Variants in GANC observed in about 807,000 individuals in gnomAD.
GANC encodes glucosidase alpha, neutral C, also known as neutral alpha-glucosidase C.
A neutral mutation model predicts 124.2 loss-of-function variants in GANC; 117 were observed. That is an observed-to-expected ratio of 0.94 (90% CI 0.81 to 1.10). GANC has a LOEUF of 1.10. GANC is among the 50% of genes least tolerant of loss of function. GANC has a pLI of 0.00. For missense variants in GANC, 1,140 were observed against 1,095.0 expected, an observed-to-expected ratio of 1.04 and a Z score of -0.58; for synonymous variants, 377 against 376.8, an observed-to-expected ratio of 1.00 and a Z score of -0.01.
At chr15:42,312,914 T>C (rs528462378) in intron 10 of GANC, among the ~76,000 whole-genome samples, 1 of 143,114 alleles carries the variant, frequency 7.0e-6, no homozygotes, top group African/African-American at 2.7e-5. Flanking sequence ...CACTCCAGCC[T>C]GGGTGACAAA....
chr15:42,296,515 C>T (rs1006087972), intron 5 of GANC, among the ~76,000 whole-genome samples: 25 of 152,182 alleles, frequency 1.6e-4, no homozygotes, highest in African/African-American at 6.0e-4. Flanking sequence ...GCCTCAGCCT[C>T]CCAAGTAGCT....
intron 16 of GANC, 144 bp from the exon 17 acceptor site, chr15:42,339,525 A>AG: frequency 1.1e-6 from 1 of 880,264 alleles, no homozygotes; most frequent in Non-Finnish European, 1.8e-6. Flanking sequence ...TAAGGGGGTC[A>AG]CCTGTTTGAG....
intron 3 of GANC, among the ~76,000 whole-genome samples, chr15:42,280,601 T>G (rs1290403014): frequency 1.3e-5 from 2 of 152,198 alleles, no homozygotes; most frequent in Non-Finnish European, 2.9e-5. Context: ...TCTGTCAAGT[T>G]TTTCTTCTCA....
Position 42,348,365 on chromosome 15 carries a change from G to A in GANC, c.2418+149G>A. 4.9e-6 allele frequency: 3 copies of A among 611,002 alleles called. No homozygotes were observed. In the East Asian group the frequency reaches 9.2e-5, roughly 19 times the overall value. The allele number at this position is 611,002 out of a possible 1,614,324, so 37.8% of individuals were successfully genotyped here. A position where few individuals can be genotyped will look rare whatever the true frequency, so the allele number is the denominator to read the frequency against. On this transcript the variant is annotated intron_variant, in intron 21 of 23. Transcript: ENST00000318010. Reference sequence around the variant, plus strand: ...TCATTTCTGAATCATTGTTCAGCTTGTCTGCCTTCCTTGGAATTGTTCTTA... The same window carrying A: ...TCATTTCTGAATCATTGTTCAGCTTATCTGCCTTCCTTGGAATTGTTCTTA...
chr15:42,306,971 A>G (rs887885229), intron 7 of GANC, among the ~76,000 whole-genome samples: 2 of 152,178 alleles, frequency 1.3e-5, no homozygotes, highest in African/African-American at 4.8e-5. Context: ...CTCTGTTGCA[A>G]CATTTCAAGC....
intron 15 of GANC, among the ~76,000 whole-genome samples, chr15:42,331,683 G>A (rs2052246692): frequency 6.6e-6 from 1 of 152,158 alleles, no homozygotes; most frequent in Non-Finnish European, 1.5e-5. Context: ...CAACACAGTG[G>A]TAGTCCTTGA....
At chr15:42,325,188 G>A (rs1199451251) in intron 11 of GANC, among the ~76,000 whole-genome samples, 15 of 152,076 alleles carry the variant, frequency 9.9e-5, no homozygotes, top group Admixed American at 2.0e-4. Flanking sequence ...CAGGAGAATC[G>A]CTGGAACCCA....
chr15:42,282,776 C>G (rs1566949029), intron 3 of GANC, among the ~76,000 whole-genome samples: 1 of 152,196 alleles, frequency 6.6e-6, no homozygotes, highest in Admixed American at 6.5e-5. Flanking sequence ...ATATCACAGG[C>G]TAGGCAGCTT....
intron 3 of GANC, among the ~76,000 whole-genome samples, chr15:42,287,112 T>C (rs1294993207): frequency 6.6e-6 from 1 of 152,256 alleles, no homozygotes; most frequent in Non-Finnish European, 1.5e-5. Context: ...CCCCAGCCTC[T>C]TGTAAAAGTT....
Position 42,353,559 on chromosome 15 carries a change from G to C in GANC, c.*1420G>C, listed in dbSNP as rs919307089. 15 of 984,838 alleles carry C rather than the reference G, an allele frequency of 1.5e-5. No homozygotes were observed. The highest frequency in any genetic ancestry group is 1.8e-5 in the Non-Finnish European group (15 of 829,224). 61.0% of individuals were successfully genotyped at this position (984,838 alleles called of 1,614,324 possible). A position where few individuals can be genotyped will look rare whatever the true frequency, so the allele number is the denominator to read the frequency against. On this transcript the variant is annotated 3_prime_UTR_variant, in exon 24 of 24. Transcript: ENST00000318010. Reference sequence around the variant, plus strand: ...TGTATGTCCCTCAAGAGCATGTTCTGTTTCTCTTCTGTCTGACAGAGCACT... The same window carrying C: ...TGTATGTCCCTCAAGAGCATGTTCTCTTTCTCTTCTGTCTGACAGAGCACT...
At chr15:42,311,987 G>T (rs1243419961) in intron 10 of GANC, among the ~76,000 whole-genome samples, 1 of 152,132 alleles carries the variant, frequency 6.6e-6, no homozygotes, top group Non-Finnish European at 1.5e-5. Context: ...TGAAAGACTT[G>T]TACACTGAAA....
chr15:42,349,610 TGAAGGCCGTTTCCG>T lies in GANC; in HGVS notation c.2531+119_2531+132del, dbSNP rs562408585. 1.6e-3 allele frequency: 1,085 copies of T among 686,402 alleles called. 8 individuals are homozygous for T. In the African/African-American group the frequency reaches 0.018, roughly 11 times the overall value. The allele number at this position is 686,402 out of a possible 1,614,324, so 42.5% of individuals were successfully genotyped here. On this transcript the variant is annotated intron_variant, in intron 22 of 23. Coordinates refer to ENST00000318010, the MANE Select transcript of GANC (RefSeq NM_198141.3). The stretch of plus-strand genomic sequence containing the variant: ...AGTTACTATTTAAAGAAATGAATGG[TGAAGGCCGTTTCCG>T]GAATATTTTTTTCTTTTCTTTTCTT...
chr15:42,284,722 A>G (rs933496524), intron 3 of GANC, among the ~76,000 whole-genome samples: 94 of 152,256 alleles, frequency 6.2e-4, no homozygotes, highest in African/African-American at 2.2e-3. Context: ...GCACACTGTA[A>G]CCTCAAACTA....
chr15:42,326,663 A>G (rs776364175), intron 12 of GANC, among the ~76,000 whole-genome samples: 2 of 152,200 alleles, frequency 1.3e-5, no homozygotes, highest in Non-Finnish European at 2.9e-5. Context: ...AAACAAGCAA[A>G]CCTCAGTGGC....
Position 42,284,159 on chromosome 15 carries a change from G to A in GANC, c.202-3532G>A, listed in dbSNP as rs909320416. The A allele has an allele frequency of 1.2e-5, 7 of 604,682 alleles. No individual in the cohort carries two copies. The African/African-American group carries it at 1.3e-4, about 11-fold the overall frequency. 37.5% of individuals were successfully genotyped at this position (604,682 alleles called of 1,614,324 possible). ...AGCAAGATCAACCTACCAAGGAAGA[G>A]TTGATGGAGTCATAATTTTCCTACT... On this transcript the variant is annotated intron_variant, in intron 3 of 23. Coordinates refer to ENST00000318010, the MANE Select transcript of GANC (RefSeq NM_198141.3).
intron 15 of GANC, among the ~76,000 whole-genome samples, chr15:42,332,148 CTTA>C (rs1326763119): frequency 1.1e-4 from 16 of 152,114 alleles, no homozygotes; most frequent in Non-Finnish European, 2.4e-4. Context: ...AGTCTTATTT[CTTA>C]TTATCTCAAT....
intron 6 of GANC, among the ~76,000 whole-genome samples, chr15:42,299,231 A>G (rs1234598174): frequency 6.6e-6 from 1 of 152,170 alleles, no homozygotes; most frequent in Non-Finnish European, 1.5e-5. Flanking sequence ...ATTTTGAGAT[A>G]TGTTCCATCA....
At chr15:42,281,253 C>G (rs1041666317) in intron 3 of GANC, 1 of 626,934 alleles carries the variant, frequency 1.6e-6, no homozygotes, top group Non-Finnish European at 2.9e-6. Flanking sequence ...TTTTAATGTC[C>G]TCCTTGTCAT....
intron 17 of GANC, 134 bp from the exon 18 acceptor site, chr15:42,340,556 A>G: frequency 1.5e-6 from 1 of 666,778 alleles, no homozygotes; most frequent in Non-Finnish European, 2.5e-6. Flanking sequence ...GTGAGCCAAG[A>G]TAGCACCACG....
Sources: gnomAD v4.1 joint callset for allele counts (sites outside exome capture counted in the v4.1 genomes callset) on GRCh38, gnomAD v4.1.1 for gene constraint, MANE v1.5 for transcripts, NCBI Gene and HGNC (gene_info 2026-07-23, HGNC 2026-07-21) for gene names.